COL21A1: variants seen among roughly 807,000 people sequenced by gnomAD.
COL21A1 encodes collagen alpha-1(XXI) chain.
A neutral mutation model predicts 137.9 loss-of-function variants in COL21A1; 149 were observed. The ratio of observed to expected loss-of-function variants is 1.08; its 90% CI spans 0.95 to 1.24. The LOEUF (loss-of-function observed/expected upper bound fraction) is 1.24. COL21A1 is among the 50% of genes most tolerant of loss of function. The pLI, the probability that COL21A1 is intolerant of heterozygous loss-of-function variation, is 0.00. For synonymous variants in COL21A1, 456 were observed against 391.5 expected, an observed-to-expected ratio of 1.16 and a Z score of -1.95; for missense variants, 1,167 against 1,158.4, an observed-to-expected ratio of 1.01 and a Z score of -0.11.
At chr6:56,257,078 TCA>T (rs2152330025) in intron 1 of COL21A1, among the ~76,000 whole-genome samples, 1 of 152,274 alleles carries the variant, frequency 6.6e-6, no homozygotes, top group Non-Finnish European at 1.5e-5. Flanking sequence ...CTGTGAGGTC[TCA>T]CAACAGGATG....
intron 1 of COL21A1, among the ~76,000 whole-genome samples, chr6:56,365,658 A>T (rs1049195011): frequency 6.6e-6 from 1 of 152,194 alleles, no homozygotes; most frequent in South Asian, 2.1e-4. Flanking sequence ...TAAAGTTACC[A>T]GGCCTCCCAA....
chr6:56,258,798 G>A (rs1403666198), intron 1 of COL21A1, among the ~76,000 whole-genome samples: 1 of 152,134 alleles, frequency 6.6e-6, no homozygotes, highest in Non-Finnish European at 1.5e-5. Flanking sequence ...ATAATTAGCT[G>A]ATAGGCAATT....
intron 1 of COL21A1, among the ~76,000 whole-genome samples, chr6:56,329,849 T>G (rs976806879): frequency 2.0e-5 from 3 of 152,080 alleles, no homozygotes; most frequent in Admixed American, 6.6e-5. Flanking sequence ...AATTTCAGCA[T>G]GGAAAAGATA....
chr6:56,354,624 G>C (rs1581767449), intron 1 of COL21A1, among the ~76,000 whole-genome samples: 1 of 152,300 alleles, frequency 6.6e-6, no homozygotes, highest in East Asian at 1.9e-4. Flanking sequence ...GCTCATGCCT[G>C]TAATCCCAGC....
chr6:56,080,067 G>A (rs2114146264), intron 17 of COL21A1, among the ~76,000 whole-genome samples: 1 of 151,798 alleles, frequency 6.6e-6, no homozygotes, highest in East Asian at 1.9e-4. Context: ...CCCAATATGT[G>A]TATTGAAATT....
intron 16 of COL21A1, among the ~76,000 whole-genome samples, chr6:56,118,804 A>G (rs1195689117): frequency 6.6e-6 from 1 of 152,140 alleles, no homozygotes; most frequent in Non-Finnish European, 1.5e-5. Flanking sequence ...ATGATACATC[A>G]TATAAACAGA....
chr6:56,324,879 T>C (rs1764967690), intron 1 of COL21A1, among the ~76,000 whole-genome samples: 1 of 151,950 alleles, frequency 6.6e-6, no homozygotes, highest in South Asian at 2.1e-4. Context: ...AAGGATTTTC[T>C]TATCTTGCCC....
In COL21A1 at chr6:56,074,114, A is replaced by G. The variant is rs1371285483; in HGVS notation, c.1965+118T>C. The G allele has an allele frequency of 1.1e-5, 7 of 636,550 alleles. No individual in the cohort carries two copies. The East Asian group carries it at 1.2e-4, about 11-fold the overall frequency. 39.4% of individuals were successfully genotyped at this position (636,550 alleles called of 1,614,324 possible). A position where few individuals can be genotyped will look rare whatever the true frequency, so the allele number is the denominator to read the frequency against. ...TAATTCTTACAAGTGATTTTTTTTC[A>G]TAGAATAAAAACCACATTTAAAATA... On this transcript the variant is annotated intron_variant, in intron 20 of 29. Transcript: ENST00000244728.
intron 1 of COL21A1, among the ~76,000 whole-genome samples, chr6:56,233,527 A>T (rs1420474465): frequency 6.6e-6 from 1 of 151,764 alleles, no homozygotes; most frequent in Non-Finnish European, 1.5e-5. Context: ...GGAAATAGCT[A>T]GATGGAAAAT....
intron 1 of COL21A1, among the ~76,000 whole-genome samples, chr6:56,226,870 AG>A (rs2152315698): frequency 4.7e-5 from 1 of 21,406 alleles, no homozygotes; most frequent in South Asian, 2.5e-3. Context: ...GTCACTGAGA[AG>A]AATTAAGAAA....
intron 20 of COL21A1, among the ~76,000 whole-genome samples, chr6:56,073,341 T>A (rs1766923405): frequency 6.6e-6 from 1 of 151,400 alleles, no homozygotes; most frequent in Non-Finnish European, 1.5e-5. Flanking sequence ...TCCACAAGGG[T>A]CTACCACTGA....
chr6:56,269,836 T>C (rs1763481604), intron 1 of COL21A1, among the ~76,000 whole-genome samples: 1 of 152,096 alleles, frequency 6.6e-6, no homozygotes, highest in Non-Finnish European at 1.5e-5. Context: ...AAACCAAGTT[T>C]CATAAGCAAA....
chr6:56,245,627 GAGGTA>G (rs576724628), intron 1 of COL21A1, among the ~76,000 whole-genome samples: 125 of 152,300 alleles, frequency 8.2e-4, no homozygotes, highest in African/African-American at 2.9e-3. Context: ...TGTGAATTAT[GAGGTA>G]AGTGTACTAG....
intron 6 of COL21A1, 67 bp from the exon 7 acceptor site, chr6:56,167,050 G>T: frequency 1.8e-6 from 2 of 1,089,210 alleles, no homozygotes; most frequent in Non-Finnish European, 1.4e-6. Context: ...GAGCAACTCA[G>T]ATACATAGAA....
intron 10 of COL21A1, among the ~76,000 whole-genome samples, chr6:56,150,215 C>T (rs1775183615): frequency 6.6e-6 from 1 of 152,100 alleles, no homozygotes; most frequent in Non-Finnish European, 1.5e-5. Flanking sequence ...CACTCAGTGG[C>T]ACATTAAAGA....
At chr6:56,324,333 A>G (rs1217827521) in intron 1 of COL21A1, among the ~76,000 whole-genome samples, 1 of 152,046 alleles carries the variant, frequency 6.6e-6, no homozygotes, top group Non-Finnish European at 1.5e-5. Flanking sequence ...ACATACCACA[A>G]CTATCTAGAA....
At chr6:56,308,018 A>G (rs72870214) in intron 1 of COL21A1, among the ~76,000 whole-genome samples, 2,054 of 152,338 alleles carry the variant, frequency 0.013, 22 homozygotes, top group Non-Finnish European at 0.021. Context: ...AAAGAAGGAA[A>G]TTCTGCAATA....
intron 3 of COL21A1, among the ~76,000 whole-genome samples, chr6:56,173,994 C>G (rs1777258518): frequency 6.6e-6 from 1 of 151,986 alleles, no homozygotes; most frequent in African/African-American, 2.4e-5. Flanking sequence ...GTATATTTTC[C>G]AACCACAATG....
intron 1 of COL21A1, among the ~76,000 whole-genome samples, chr6:56,265,939 T>G (rs1218952584): frequency 6.6e-6 from 1 of 152,160 alleles, no homozygotes; most frequent in African/African-American, 2.4e-5. Context: ...TAAATACACA[T>G]TCGCAACTAA....
Sources: gnomAD v4.1 joint callset for allele counts (sites outside exome capture counted in the v4.1 genomes callset) on GRCh38, gnomAD v4.1.1 for gene constraint, MANE v1.5 for transcripts, NCBI Gene and HGNC (gene_info 2026-07-23, HGNC 2026-07-21) for gene names.